CALN1: variants seen among roughly 807,000 people sequenced by gnomAD.
CALN1 encodes the protein calneuron 1, also known as calcium-binding protein 8.
In CALN1, 17 loss-of-function variants were observed where a neutral mutation model predicts 30.6. The ratio of observed to expected loss-of-function variants is 0.56; its 90% CI spans 0.38 to 0.83. CALN1 has a LOEUF of 0.83. Ranked by LOEUF, CALN1 falls within the 40% of genes least tolerant of loss-of-function variation. CALN1 has a pLI of 0.00. For synonymous variants in CALN1, 156 were observed against 131.4 expected, an observed-to-expected ratio of 1.19 and a Z score of -1.28; for missense variants, 291 against 354.9, an observed-to-expected ratio of 0.82 and a Z score of 1.45.
In CALN1 at chr7:72,381,557, T is replaced by C. The variant is rs1290318189; in HGVS notation, c.119+21694A>G. Among the ~76,000 whole-genome samples, 7 of 152,268 alleles carry C rather than the reference T, an allele frequency of 4.6e-5. No individual in the cohort carries two copies. The South Asian group carries it at 6.2e-4, about 14-fold the overall frequency. On this transcript the variant is annotated intron_variant, in intron 2 of 6. Transcript: ENST00000395275. ...GGCATATGAGTCCTTCGCAGGGGCA[T>C]AGTTGAGCTGGAAGCCATCATTTTC...
intron 2 of CALN1, among the ~76,000 whole-genome samples, chr7:72,311,346 G>C (rs138749227): frequency 6.6e-6 from 1 of 152,200 alleles, no homozygotes; most frequent in Non-Finnish European, 1.5e-5. Flanking sequence ...TTATTGGTAA[G>C]GCTTCCAGTC....
intron 2 of CALN1, among the ~76,000 whole-genome samples, chr7:72,396,015 CCTT>C (rs1483926817): frequency 3.3e-5 from 5 of 151,798 alleles, no homozygotes; most frequent in Admixed American, 2.0e-4. Context: ...TGACATCGCT[CCTT>C]CTGCTCTGAC....
At chr7:71,811,089 GT>G (rs993664214) in intron 5 of CALN1, among the ~76,000 whole-genome samples, 1 of 151,722 alleles carries the variant, frequency 6.6e-6, no homozygotes, top group Non-Finnish European at 1.5e-5. Flanking sequence ...TAGAGACGGG[GT>G]TTCACCGTGT....
At chr7:72,278,237 G>C (rs1480750174) in intron 3 of CALN1, among the ~76,000 whole-genome samples, 1 of 152,022 alleles carries the variant, frequency 6.6e-6, no homozygotes, top group Non-Finnish European at 1.5e-5. Flanking sequence ...ATTCTGATCT[G>C]AACAGGATTC....
At chr7:71,805,818 T>C (rs1787573447) in intron 6 of CALN1, among the ~76,000 whole-genome samples, 2 of 152,184 alleles carry the variant, frequency 1.3e-5, no homozygotes, top group Non-Finnish European at 2.9e-5. Flanking sequence ...GTATTGCTGG[T>C]CCTAGATCTT....
At chr7:72,427,495 C>T (rs1475279129) in intron 1 of CALN1, among the ~76,000 whole-genome samples, 1 of 152,020 alleles carries the variant, frequency 6.6e-6, no homozygotes, top group African/African-American at 2.4e-5. Flanking sequence ...TCTGTAGGCA[C>T]CTTAGGATGA....
intron 5 of CALN1, among the ~76,000 whole-genome samples, chr7:71,984,165 C>T (rs1433600611): frequency 6.6e-6 from 1 of 151,768 alleles, no homozygotes; most frequent in Non-Finnish European, 1.5e-5. Context: ...ACAGATGAGC[C>T]AAAAAAACAC....
At chr7:72,404,706 C>G (rs148461605) in intron 1 of CALN1, among the ~76,000 whole-genome samples, 1 of 152,260 alleles carries the variant, frequency 6.6e-6, no homozygotes, top group East Asian at 1.9e-4. Context: ...CATGCTCATG[C>G]CTGGGAAGTG....
intron 5 of CALN1, among the ~76,000 whole-genome samples, chr7:71,888,053 G>C (rs1340250839): frequency 6.6e-6 from 1 of 152,100 alleles, no homozygotes; most frequent in Non-Finnish European, 1.5e-5. Flanking sequence ...GGCGTAGAAA[G>C]AGAGCTGCGA....
At chr7:72,164,509 C>T (rs1037223807) in intron 3 of CALN1, among the ~76,000 whole-genome samples, 5 of 152,142 alleles carry the variant, frequency 3.3e-5, no homozygotes, top group African/African-American at 9.7e-5. Context: ...GAAAGTAGAA[C>T]GTTCTCCCTG....
intron 2 of CALN1, among the ~76,000 whole-genome samples, chr7:72,330,900 CCCTGTTA>C (rs1364756625): frequency 6.6e-6 from 1 of 152,184 alleles, no homozygotes; most frequent in African/African-American, 2.4e-5. Context: ...TACTTCTCCA[CCCTGTTA>C]CCTAAACCAG....
chr7:72,284,821 GGATAGATA>G (rs368097360), intron 2 of CALN1, among the ~76,000 whole-genome samples: 7 of 152,000 alleles, frequency 4.6e-5, no homozygotes, highest in Admixed American at 1.3e-4. Flanking sequence ...GATAGATTAA[GGATAGATA>G]GATAGATAGA....
At chr7:71,852,039 G>A (rs1440061221) in intron 5 of CALN1, among the ~76,000 whole-genome samples, 3 of 152,172 alleles carry the variant, frequency 2.0e-5, no homozygotes, top group Non-Finnish European at 2.9e-5. Flanking sequence ...AGGAGGTTCT[G>A]CAAGAAGGCA....
chr7:72,085,710 T>C (rs1278384456), intron 4 of CALN1, among the ~76,000 whole-genome samples: 2 of 152,184 alleles, frequency 1.3e-5, no homozygotes, highest in Non-Finnish European at 2.9e-5. Context: ...TTTACTGCTG[T>C]TTATAATTGT....
chr7:71,953,344 C>T, intron 5 of CALN1, among the ~76,000 whole-genome samples: 1 of 152,126 alleles, frequency 6.6e-6, no homozygotes, highest in East Asian at 1.9e-4. Context: ...TCCATATGGC[C>T]TTGTTCCCTG....
the CALN1 span, among the ~76,000 whole-genome samples, chr7:72,470,366 A>G: frequency 6.6e-6 from 1 of 152,130 alleles, no homozygotes; most frequent in Admixed American, 6.6e-5. Context: ...CAAGATAGCA[A>G]GACCCCCGAC....
intron 5 of CALN1, among the ~76,000 whole-genome samples, chr7:71,953,741 G>T (rs1796815283): frequency 6.6e-6 from 1 of 151,994 alleles, no homozygotes; most frequent in Non-Finnish European, 1.5e-5. Flanking sequence ...GGGCCAGCAG[G>T]ACTTTGCAGA....
the CALN1 span, among the ~76,000 whole-genome samples, chr7:72,462,395 G>A: frequency 6.6e-6 from 1 of 152,116 alleles, no homozygotes; most frequent in East Asian, 1.9e-4. Context: ...ATGTTGCCCA[G>A]GCTGGTCTCA....
intron 5 of CALN1, among the ~76,000 whole-genome samples, chr7:71,868,859 G>A (rs1791753362): frequency 6.6e-6 from 1 of 152,156 alleles, no homozygotes; most frequent in Admixed American, 6.5e-5. Context: ...AGAATATAAA[G>A]TGATAATAAG....
Sources: allele counts gnomAD v4.1 joint callset (sites outside exome capture counted in the v4.1 genomes callset), GRCh38; gene constraint gnomAD v4.1.1; transcripts MANE v1.5; gene names NCBI Gene and HGNC (gene_info 2026-07-23, HGNC 2026-07-21).